The following LRRTM4 variants were observed in gnomAD, a reference collection of about 807,000 sequenced individuals.
LRRTM4 encodes the protein leucine-rich repeat transmembrane neuronal protein 4.
In LRRTM4, 25 loss-of-function variants were observed where a neutral mutation model predicts 47.6. The ratio of observed to expected loss-of-function variants is 0.53; its 90% confidence interval spans 0.38 to 0.73. The LOEUF is 0.73. LRRTM4 is among the 30% of genes least tolerant of loss of function. The pLI is 0.00. For missense variants in LRRTM4, 638 were observed against 713.4 expected, an observed-to-expected ratio of 0.89 and a Z score of 1.20; for synonymous variants, 311 against 269.5, an observed-to-expected ratio of 1.15 and a Z score of -1.51.
chr2:76,851,635 G>A (rs1046048786), intron 3 of LRRTM4, among the ~76,000 whole-genome samples: 1 of 151,916 alleles, frequency 6.6e-6, no homozygotes, highest in Non-Finnish European at 1.5e-5. Flanking sequence ...GACCTCCCCA[G>A]GGCTCAATTT....
intron 3 of LRRTM4, among the ~76,000 whole-genome samples, chr2:76,976,745 G>T (rs1462621217): frequency 6.6e-6 from 1 of 151,796 alleles, no homozygotes; most frequent in Non-Finnish European, 1.5e-5. Flanking sequence ...ACAGCTGGAT[G>T]GGAGGATTAA....
At chr2:76,823,042 G>A (rs976019579) in intron 3 of LRRTM4, among the ~76,000 whole-genome samples, 1 of 151,286 alleles carries the variant, frequency 6.6e-6, no homozygotes, top group African/African-American at 2.4e-5. Flanking sequence ...AACACTACAG[G>A]TAAAACTAGT....
chr2:76,778,101 GGATGAAGCCCACTT>G (rs1419094457), intron 3 of LRRTM4, among the ~76,000 whole-genome samples: 2 of 146,872 alleles, frequency 1.4e-5, no homozygotes, highest in Non-Finnish European at 1.5e-5. Flanking sequence ...TGCATCCCAG[GGATGAAGCCCACTT>G]GATCATGGTG....
intron 3 of LRRTM4, among the ~76,000 whole-genome samples, chr2:77,400,097 A>G (rs899808817): frequency 3.3e-5 from 5 of 151,560 alleles, no homozygotes; most frequent in African/African-American, 1.2e-4. Context: ...CCACTATTCT[A>G]CTCACTGCTT....
chr2:77,168,563 T>C (rs575443921), intron 3 of LRRTM4, among the ~76,000 whole-genome samples: 1 of 152,300 alleles, frequency 6.6e-6, no homozygotes, highest in African/African-American at 2.4e-5. Flanking sequence ...TTAGGAAATA[T>C]ATTTCAAATC....
At chr2:77,190,349 G>C (rs80147997) in intron 3 of LRRTM4, among the ~76,000 whole-genome samples, 16,336 of 142,296 alleles carry the variant, frequency 0.11, 2,470 homozygotes, top group African/African-American at 0.36. Context: ...AGGCTGGAGA[G>C]CAACGGCACG....
At chr2:77,207,866 C>CT (rs754540782) in intron 3 of LRRTM4, among the ~76,000 whole-genome samples, 3,930 of 42,422 alleles carry the variant, frequency 0.093, 1,161 homozygotes, top group African/African-American at 0.25. Flanking sequence ...GGGAAAGTGG[C>CT]TTTTTTTTTT....
Position 77,009,976 on chromosome 2 carries a change from A to T in LRRTM4, c.1552-261060T>A, listed in dbSNP as rs568480515. Among the ~76,000 whole-genome samples the T allele has an allele frequency of 9.0e-3, 1,075 of 119,136 alleles. 5 individuals are homozygous for T. The highest frequency in any genetic ancestry group is 0.04 in the Middle Eastern group (10 of 248). The allele number at this position is 119,136 out of a possible 152,430, so 78.2% of individuals were successfully genotyped here. A position where few individuals can be genotyped will look rare whatever the true frequency, so the allele number is the denominator to read the frequency against. The stretch of plus-strand genomic sequence containing the variant: ...TTCATCAGGGCAGGACCCTTTTTTT[A>T]AAAAAAAAAAAGTTGATTTAACTTT... On this transcript the variant is annotated intron_variant, in intron 3 of 3. Transcript: ENST00000409884.
intron 3 of LRRTM4, among the ~76,000 whole-genome samples, chr2:76,812,673 C>CTCTTTCTTTTTTCTT (rs1670767748): frequency 6.8e-6 from 1 of 147,818 alleles, no homozygotes; most frequent in African/African-American, 2.5e-5. Context: ...TACAAATAAG[C>CTCTTTCTTTTTTCTT]TCTTTCTTTC....
chr2:76,911,670 A>G (rs1674060698), intron 3 of LRRTM4, among the ~76,000 whole-genome samples: 1 of 152,118 alleles, frequency 6.6e-6, no homozygotes, highest in Non-Finnish European at 1.5e-5. Context: ...TAAAGAGAGA[A>G]AGAAAGAGAG....
At chr2:77,335,815 T>A (rs1241324192) in intron 3 of LRRTM4, among the ~76,000 whole-genome samples, 1 of 152,166 alleles carries the variant, frequency 6.6e-6, no homozygotes, top group Non-Finnish European at 1.5e-5. Flanking sequence ...CTCATTCTTA[T>A]AATTTTCATA....
chr2:76,835,115 C>T (rs1309542911), intron 3 of LRRTM4, among the ~76,000 whole-genome samples: 1 of 152,042 alleles, frequency 6.6e-6, no homozygotes, highest in Non-Finnish European at 1.5e-5. Context: ...ATAATGTATC[C>T]TCAAATTCAG....
intron 3 of LRRTM4, among the ~76,000 whole-genome samples, chr2:76,977,741 T>A (rs774332312): frequency 8.6e-5 from 13 of 152,018 alleles, no homozygotes; most frequent in Non-Finnish European, 1.3e-4. Flanking sequence ...GGTTATCAAC[T>A]GATGATTATT....
At chr2:77,136,473 C>G (rs532817258) in intron 3 of LRRTM4, among the ~76,000 whole-genome samples, 2 of 152,186 alleles carry the variant, frequency 1.3e-5, no homozygotes, top group African/African-American at 4.8e-5. Context: ...AAAACCCCAT[C>G]TGTATGTCAC....
intron 3 of LRRTM4, among the ~76,000 whole-genome samples, chr2:77,018,315 A>C (rs1033427447): frequency 7.1e-6 from 1 of 139,904 alleles, no homozygotes; most frequent in Non-Finnish European, 1.5e-5. Flanking sequence ...TGGTGAAAAG[A>C]GAACAGTCAG....
At chr2:77,292,619 G>T (rs1217167623) in intron 3 of LRRTM4, among the ~76,000 whole-genome samples, 4 of 146,378 alleles carry the variant, frequency 2.7e-5, no homozygotes, top group Admixed American at 7.2e-5. Context: ...ACACCGCATA[G>T]TCTCACTCAT....
intron 3 of LRRTM4, among the ~76,000 whole-genome samples, chr2:77,308,732 T>C (rs1228536169): frequency 1.3e-5 from 2 of 152,092 alleles, no homozygotes; most frequent in African/African-American, 4.8e-5. Context: ...AGACCTACTG[T>C]CTCTTAGGCC....
intron 3 of LRRTM4, among the ~76,000 whole-genome samples, chr2:77,446,257 G>C (rs930523033): frequency 2.0e-5 from 3 of 151,950 alleles, no homozygotes. Flanking sequence ...ATCGTTTGTA[G>C]AGAGTATTTT....
chr2:77,492,056 A>G (rs922551808), intron 3 of LRRTM4, among the ~76,000 whole-genome samples: 2 of 152,130 alleles, frequency 1.3e-5, no homozygotes, highest in African/African-American at 2.4e-5. Flanking sequence ...TTCTTAGGAT[A>G]AAATTTAATT....
Sources: allele counts gnomAD v4.1 joint callset (sites outside exome capture counted in the v4.1 genomes callset), GRCh38; gene constraint gnomAD v4.1.1; transcripts MANE v1.5; gene names NCBI Gene and HGNC (gene_info 2026-07-23, HGNC 2026-07-21).